RNF43: variants seen among roughly 807,000 people sequenced by gnomAD.
RNF43 encodes ring finger protein 43.
In RNF43, 37 loss-of-function variants were observed where a neutral mutation model predicts 78.4. The observed-to-expected ratio is 0.47, with a 90% CI of 0.36 to 0.62. The LOEUF (loss-of-function observed/expected upper bound fraction) is 0.62, where lower values mean the gene tolerates loss of function less well. RNF43 is among the 20% of genes least tolerant of loss of function. The pLI is 0.00. For missense variants in RNF43, 774 were observed against 1,007.9 expected, an observed-to-expected ratio of 0.77 and a Z score of 3.14; for synonymous variants, 347 against 395.0, an observed-to-expected ratio of 0.88 and a Z score of 1.44.
At chr17:58,390,496 G>A (rs1973529963) in intron 2 of RNF43, among the ~76,000 whole-genome samples, 1 of 152,232 alleles carries the variant, frequency 6.6e-6, no homozygotes, top group East Asian at 1.9e-4. Flanking sequence ...ATACCAGTGA[G>A]TGTAGGATTT....
chr17:58,363,505 C>T (rs376504970), intron 4 of RNF43, 21 bp downstream of exon 4: 5 of 1,610,866 alleles, frequency 3.1e-6, no homozygotes, highest in Admixed American at 1.7e-5. Context: ...CCACCTTGAA[C>T]ACGCAAATGT....
chr17:58,371,695 A>G (rs906133794), intron 2 of RNF43, among the ~76,000 whole-genome samples: 4 of 152,208 alleles, frequency 2.6e-5, no homozygotes, highest in Non-Finnish European at 5.9e-5. Context: ...CTTGGCTAAG[A>G]CATAAGCTTT....
chr17:58,352,647 C>G, downstream of RNF43: 1 of 207,710 alleles, frequency 4.8e-6, no homozygotes, highest in Non-Finnish European at 9.8e-6. Flanking sequence ...GAGAAGAAAT[C>G]CAGGGACAGC....
At chr17:58,355,433 G>C (rs1465264668) in intron 9 of RNF43, among the ~76,000 whole-genome samples, 1 of 152,192 alleles carries the variant, frequency 6.6e-6, no homozygotes, top group East Asian at 1.9e-4. Flanking sequence ...CAGCAATCAG[G>C]AAAAGCTTCC....
Position 58,381,035 on chromosome 17 carries a change from TC to T in RNF43, c.253-10003del, listed in dbSNP as rs1973304618. 2.6e-5 allele frequency among the ~76,000 whole-genome samples: 4 copies of T among 152,328 alleles called. No individual in the cohort carries two copies. In the South Asian group the frequency reaches 8.3e-4, roughly 32 times the overall value. ...GAAGCTATGAAGCTTGCTCGGCTAG[TC>T]CCAGTCCCCAGATCCTGGGCAGTAA... On this transcript the variant is annotated intron_variant, in intron 2 of 9. Coordinates refer to ENST00000407977, the MANE Select transcript of RNF43 (RefSeq NM_017763.6).
intron 2 of RNF43, among the ~76,000 whole-genome samples, chr17:58,375,954 G>T (rs1359248539): frequency 6.6e-6 from 1 of 152,210 alleles, no homozygotes; most frequent in Non-Finnish European, 1.5e-5. Context: ...CTGAGGAAGT[G>T]TGAGTGTCCT....
At chr17:58,359,558 C>A (rs938895673) in intron 8 of RNF43, among the ~76,000 whole-genome samples, 1 of 150,992 alleles carries the variant, frequency 6.6e-6, no homozygotes, top group Non-Finnish European at 1.5e-5. Context: ...GAGCCAAGAT[C>A]GCGCCACTGC....
At chr17:58,407,962 C>T (rs1386033844) in intron 2 of RNF43, among the ~76,000 whole-genome samples, 1 of 152,170 alleles carries the variant, frequency 6.6e-6, no homozygotes. Flanking sequence ...TGCAGTTTCA[C>T]TTCATATTTG....
chr17:58,407,069 A>ATTTTTTTTT (rs35270032), intron 2 of RNF43, among the ~76,000 whole-genome samples: 2 of 74,182 alleles, frequency 2.7e-5, no homozygotes, highest in Non-Finnish European at 2.4e-5. Context: ...AGAGACCAGA[A>ATTTTTTTTT]TTTTTTTTTT....
chr17:58,403,361 G>T (rs1455681322), intron 2 of RNF43, among the ~76,000 whole-genome samples: 1 of 152,202 alleles, frequency 6.6e-6, no homozygotes, highest in Admixed American at 6.5e-5. Context: ...TAAGGACAAG[G>T]ATCTTTGATT....
chr17:58,356,752 C>T (rs1453505862), intron 9 of RNF43, among the ~76,000 whole-genome samples: 1 of 152,074 alleles, frequency 6.6e-6, no homozygotes, highest in Non-Finnish European at 1.5e-5. Context: ...TAGCTCCCCC[C>T]GAGGAACACT....
intron 8 of RNF43, among the ~76,000 whole-genome samples, chr17:58,359,880 C>T (rs1221873852): frequency 6.6e-6 from 1 of 152,022 alleles, no homozygotes; most frequent in Admixed American, 6.5e-5. Context: ...GAACCGAGAT[C>T]ACGCCATTGC....
intron 3 of RNF43, among the ~76,000 whole-genome samples, chr17:58,366,198 C>A (rs1159895729): frequency 6.6e-6 from 1 of 152,118 alleles, no homozygotes; most frequent in Non-Finnish European, 1.5e-5. Context: ...GCTTCCAGAC[C>A]TTTTTTCACT....
At position 58,358,482 on chromosome 17, in the gene RNF43, G is replaced by A. The variant is rs779196773; in HGVS notation, c.1294C>T (p.Pro432Ser). The A allele has an allele frequency of 5.0e-6, 8 of 1,613,878 alleles. No homozygotes were observed. In the South Asian group the frequency reaches 8.8e-5, roughly 18 times the overall value. The change falls in exon 9 of 10, where the codon CCA becomes TCA. Residue 432 changes from proline (P) to serine (S), a missense_variant. Pro to Ser is a moderately conservative substitution (Grantham distance 74). Transcript: ENST00000407977. The surrounding 1 kb of genome is among the most constrained non-coding windows in gnomAD (Gnocchi z 6.2). ...GGCCTGGCCCGGCGTAGGGGCACTG[G>A]GCAAGCAGCAGGGTGCTGTGAGGTG... Reference protein sequence around the residue: ...QSTSQHPAACPVPLRRARPPD... With the variant: ...QSTSQHPAACSVPLRRARPPD...
At position 58,357,490 on chromosome 17, in the gene RNF43, G is replaced by A. The variant is rs564215300; in HGVS notation, c.2286C>T (p.Cys762=). 1.2e-6 allele frequency: 2 copies of A among 1,614,220 alleles called. No homozygotes were observed. The highest frequency in any genetic ancestry group is 3.3e-5 in the Admixed American group (2 of 60,030). Residue 762 remains cysteine, a synonymous_variant, in exon 9 of 10, where the codon TGC becomes TGT. Transcript: ENST00000407977. The surrounding 1 kb of genome is among the most constrained non-coding windows in gnomAD (Gnocchi z 4.5). The part of the protein sequence containing the change: ...AEGRPCPYPH[C]QVLSAQPGSE... ...CACCAGGCTGGGCCGACAGCACCTG[G>A]CAGTGCGGATAAGGGCATGGCCTGC...
chr17:58,369,054 A>C (rs1283179130), intron 3 of RNF43, among the ~76,000 whole-genome samples: 1 of 150,624 alleles, frequency 6.6e-6, no homozygotes, highest in Admixed American at 6.6e-5. Context: ...CTTCTTCCCC[A>C]TCTCTCTCTC....
intron 2 of RNF43, among the ~76,000 whole-genome samples, chr17:58,401,099 A>G (rs886423258): frequency 2.0e-5 from 3 of 152,138 alleles, no homozygotes; most frequent in Non-Finnish European, 2.9e-5. Flanking sequence ...TTCCTGATCT[A>G]TTTTGGGGAG....
In RNF43 at chr17:58,357,576, G is replaced by A. The variant is rs745395155; in HGVS notation, c.2200C>T (p.Pro734Ser). 5.6e-6 allele frequency: 9 copies of A among 1,614,200 alleles called. No individual in the cohort carries two copies. In the South Asian group the frequency reaches 8.8e-5, roughly 16 times the overall value. Residue 734 changes from proline (P) to serine (S), a missense_variant, in exon 9 of 10, where the codon CCC (proline) becomes TCC (serine). Pro to Ser is a moderately conservative substitution (Grantham distance 74). Coordinates refer to ENST00000407977, the MANE Select transcript of RNF43 (RefSeq NM_017763.6). This position sits in a 1 kb window ranked among gnomAD's most constrained non-coding sequence, Gnocchi z 4.5. ...PVWLCLTPRQ[P>S]LEPHPPGEGP... ...TCCCCAGGTGGATGTGGTTCCAGGG[G>A]CTGGCGAGGAGTCAGGCACAACCAC...
chr17:58,385,305 T>C (rs1351882195), intron 2 of RNF43, among the ~76,000 whole-genome samples: 1 of 152,238 alleles, frequency 6.6e-6, no homozygotes, highest in Non-Finnish European at 1.5e-5. Flanking sequence ...TTAGACTTTA[T>C]TTATTTGAAG....
Sources: gnomAD v4.1 joint callset for allele counts (sites outside exome capture counted in the v4.1 genomes callset) on GRCh38, gnomAD v4.1.1 for gene constraint, Gnocchi (gnomAD v3.1) non-coding constraint, MANE v1.5 for transcripts, NCBI Gene and HGNC (gene_info 2026-07-23, HGNC 2026-07-21) for gene names.